The following GYS2 variants were observed in gnomAD, a reference collection of about 807,000 sequenced individuals.
GYS2 encodes glycogen [starch] synthase, liver.
A neutral mutation model predicts 85.6 loss-of-function variants in GYS2; 80 were observed. The ratio of observed to expected loss-of-function variants is 0.93; its 90% CI spans 0.78 to 1.13. GYS2 has a LOEUF of 1.13. Among genes scored for constraint, GYS2 ranks in the 50% most tolerant of loss-of-function variants. The probability of loss-of-function intolerance (pLI) is 0.00; values close to 1 mark genes in which losing one functional copy is unlikely to be tolerated. For missense variants in GYS2, 881 were observed against 854.9 expected (o/e 1.03, Z -0.38); for synonymous variants, 328 against 300.7 (o/e 1.09, Z -0.94).
chr12:21,542,409 T>C (rs1459079145), intron 13 of GYS2, 87 bp downstream of exon 13: 7 of 840,212 alleles, frequency 8.3e-6, no homozygotes, highest in South Asian at 8.0e-5. Flanking sequence ...TCAGGATAGC[T>C]TTAGAGTTAG....
chr12:21,575,466 C>A lies in GYS2; in HGVS notation c.495+400G>T, dbSNP rs547620251. Among the ~76,000 whole-genome samples the A allele has an allele frequency of 9.2e-5, 14 of 152,240 alleles. No individual in the cohort carries two copies. The South Asian group carries it at 2.7e-3, about 29-fold the overall frequency. ...GGAAATTTGGAGAGTAAACTTAAAA[C>A]AGTGGTTATCACATGTAGTGTACAT... On this transcript the variant is annotated intron_variant, in intron 3 of 15. Coordinates refer to ENST00000261195, the MANE Select transcript of GYS2 (RefSeq NM_021957.4).
chr12:21,562,954 GA>G lies in GYS2; in HGVS notation c.1025del (p.Phe342SerfsTer2). On this transcript the variant is annotated frameshift_variant, in exon 7 of 16. Transcript: ENST00000261195. LOFTEE classifies it high-confidence loss of function. ...AATTTAGCCTGGATAAGGATTCTAG[GA>G]AGATGTCAGCTCCTTTGTTTGAAAA... ...YEFSNKGADIFLESLSRLNFL... is the reference protein window; with the variant it reads ...YEFSNKGADIXLESLSRLNFL... The G allele has an allele frequency of 1.2e-6, 2 of 1,611,364 alleles. No individual in the cohort carries two copies. Among genetic ancestry groups the G allele is most frequent in the Non-Finnish European group, 1.7e-6 (2 of 1,177,582 alleles).
At chr12:21,572,208 G>A (rs1944395023) in intron 4 of GYS2, among the ~76,000 whole-genome samples, 1 of 152,118 alleles carries the variant, frequency 6.6e-6, no homozygotes, top group Non-Finnish European at 1.5e-5. Flanking sequence ...ACTTAAACCA[G>A]CGTTAGAGTT....
chr12:21,538,172 C>G (rs1406452371), intron 15 of GYS2, among the ~76,000 whole-genome samples: 10 of 152,132 alleles, frequency 6.6e-5, no homozygotes, highest in Non-Finnish European at 1.5e-5. Context: ...GCTAAGCAAT[C>G]AACTCTGAAT....
chr12:21,593,861 C>T (rs1250401131), intron 1 of GYS2, among the ~76,000 whole-genome samples: 1 of 152,038 alleles, frequency 6.6e-6, no homozygotes. Context: ...TGAAAATCCT[C>T]AACAAAATAC....
chr12:21,603,395 T>A (rs571919620), intron 1 of GYS2, among the ~76,000 whole-genome samples: 67 of 152,090 alleles, frequency 4.4e-4, no homozygotes, highest in Admixed American at 1.9e-3. Flanking sequence ...TAGTATAAGG[T>A]GAATTCTGAT....
At chr12:21,559,882 G>C (rs1201213899) in intron 8 of GYS2, among the ~76,000 whole-genome samples, 172 bp from the exon 9 acceptor site, 4 of 152,118 alleles carry the variant, frequency 2.6e-5, no homozygotes, top group Non-Finnish European at 4.4e-5. Flanking sequence ...TTCAGCTTAA[G>C]TTGACATCTC....
At chr12:21,577,683 C>A (rs1001543448) in intron 2 of GYS2, among the ~76,000 whole-genome samples, 7 of 152,132 alleles carry the variant, frequency 4.6e-5, no homozygotes, top group Admixed American at 3.9e-4. Context: ...ACTCTTTAAA[C>A]CTTGCATGCA....
chr12:21,560,965 G>T (rs73085365), intron 7 of GYS2, among the ~76,000 whole-genome samples: 21,388 of 151,938 alleles, frequency 0.14, 1,716 homozygotes, highest in African/African-American at 0.18. Context: ...CAATTTTTTT[G>T]CTTATTCATG....
intron 15 of GYS2, among the ~76,000 whole-genome samples, chr12:21,537,680 AGAAGGCATCCTG>A (rs1448595736): frequency 6.6e-6 from 1 of 152,244 alleles, no homozygotes; most frequent in East Asian, 1.9e-4. Flanking sequence ...GGCCACCACT[AGAAGGCATCCTG>A]GAAGTCAGGT....
At chr12:21,553,891 C>T (rs531213583) in intron 11 of GYS2, among the ~76,000 whole-genome samples, 3 of 152,206 alleles carry the variant, frequency 2.0e-5, no homozygotes, top group African/African-American at 7.2e-5. Flanking sequence ...GTAGATTACA[C>T]TATCGAAAAC....
chr12:21,586,871 A>C (rs1024867704), intron 1 of GYS2, among the ~76,000 whole-genome samples: 1 of 152,218 alleles, frequency 6.6e-6, no homozygotes, highest in Non-Finnish European at 1.5e-5. Context: ...TATCTGCATT[A>C]GTATGTTCAA....
rs1485301586 is a variant in GYS2 at position 21,563,273 on chromosome 12, A to G, written c.896T>C (p.Met299Thr). The change falls in exon 6 of 16, where the codon ATG (methionine) becomes ACG (threonine). Residue 299 changes from methionine to threonine, a missense_variant. Met to Thr is a moderately conservative substitution (Grantham distance 81, BLOSUM62 -1). Transcript: ENST00000261195. The part of the protein sequence containing the change: ...AVHEFQNLHA[M>T]YKARIQDFVR... ...AAAATCTTGGATTCTGGCCTTGTAC[A>G]TGGCATGTAGATTTTGAAACTCATG... The G allele has an allele frequency of 5.0e-6, 8 of 1,612,424 alleles. No homozygotes were observed. The highest frequency in any genetic ancestry group is 1.3e-5 in the African/African-American group (1 of 74,914).
intron 11 of GYS2, among the ~76,000 whole-genome samples, chr12:21,549,513 A>G (rs182026136): frequency 7.4e-4 from 113 of 152,324 alleles, no homozygotes; most frequent in Admixed American, 1.3e-3. Flanking sequence ...TCAAATAGTG[A>G]TTTTTAAACC....
chr12:21,601,855 A>C (rs1565615283), intron 1 of GYS2, among the ~76,000 whole-genome samples: 1 of 152,162 alleles, frequency 6.6e-6, no homozygotes, highest in Non-Finnish European at 1.5e-5. Flanking sequence ...CTGAATAATA[A>C]AATGGATTAA....
In GYS2 at chr12:21,562,841, G is replaced by A. The variant is rs115916941; in HGVS notation, c.1062+77C>T. 5.6e-4 allele frequency: 864 copies of A among 1,540,974 alleles called. 4 individuals are homozygous for A. The African/African-American group carries it at 0.01, about 19-fold the overall frequency. ...TATTCTCTTGAAAACTATTTAAGAA[G>A]CCAAAAAATTCTTCACTTCCCACAG... On this transcript the variant is annotated intron_variant, in intron 7 of 15. Coordinates refer to ENST00000261195, the MANE Select transcript of GYS2 (RefSeq NM_021957.4).
intron 1 of GYS2, among the ~76,000 whole-genome samples, chr12:21,586,417 CTATA>C (rs767085356): frequency 4.9e-5 from 6 of 122,884 alleles, no homozygotes; most frequent in Non-Finnish European, 1.1e-4. Context: ...ATATCTAAAT[CTATA>C]TCTATCTATC....
rs153937 is a variant in GYS2, at chr12:21,598,261, C to G, written c.121+6211G>C. On this transcript the variant is annotated intron_variant, in intron 1 of 15. Transcript: ENST00000261195. ...TTGAGGTGATGAATACCCCAAATAC[C>G]TGACTTGATCATTATACATTATATG... 3.5e-3 allele frequency among the ~76,000 whole-genome samples: 533 copies of G among 152,144 alleles called. 5 individuals are homozygous for G. Among genetic ancestry groups the G allele is most frequent in the African/African-American group, 0.012 (489 of 41,512 alleles).
intron 4 of GYS2, among the ~76,000 whole-genome samples, chr12:21,570,963 C>T (rs1369695985): frequency 1.3e-5 from 2 of 152,092 alleles, no homozygotes; most frequent in Non-Finnish European, 2.9e-5. Flanking sequence ...TAGAAAAGTG[C>T]CTGGTATATG....
Sources: gnomAD v4.1 joint callset for allele counts (sites outside exome capture counted in the v4.1 genomes callset) on GRCh38, gnomAD v4.1.1 for gene constraint, MANE v1.5 for transcripts, NCBI Gene and HGNC (gene_info 2026-07-23, HGNC 2026-07-21) for gene names.